The following SASH1 variants were observed in gnomAD, a reference collection of about 807,000 sequenced individuals.
The protein encoded by SASH1 is SAM and SH3 domain containing 1.
In SASH1, 44 loss-of-function variants were observed where a neutral mutation model predicts 125.2. The observed-to-expected ratio is 0.35, with a 90% confidence interval of 0.28 to 0.45. The LOEUF (loss-of-function observed/expected upper bound fraction) is 0.45. SASH1 is among the 20% of genes least tolerant of loss of function. The pLI is 1.00. For missense variants in SASH1, 1,426 were observed against 1,614.5 expected (o/e 0.88, Z 2.00); for synonymous variants, 639 against 649.1 (o/e 0.98, Z 0.24).
In SASH1 at chr6:148,273,284, TTTTC is replaced by T. The variant is rs1294637067; in HGVS notation, n.74+919_74+922del. Among the ~76,000 whole-genome samples, 128 of 143,360 alleles carry T rather than the reference TTTTC, an allele frequency of 8.9e-4. 1 individual carries two copies. The highest frequency in any genetic ancestry group is 3.1e-3 in the African/African-American group (121 of 39,200). The allele number at this position is 143,360 out of a possible 152,430, so 94.0% of individuals were successfully genotyped here. A position where few individuals can be genotyped will look rare whatever the true frequency, so the allele number is the denominator to read the frequency against. On this transcript the variant is annotated intron_variant and non_coding_transcript_variant, in intron 1 of 3. Transcript: ENST00000367469. The stretch of plus-strand genomic sequence containing the variant: ...CTTCTTTTCTTCTTCTTTTTTAAAT[TTTTC>T]TTTCTTTCTTTTTTTTTTTTTTTGA...
At chr6:148,284,320 T>A (rs1263739047) in intron 1 of SASH1, among the ~76,000 whole-genome samples, 3 of 151,996 alleles carry the variant, frequency 2.0e-5, no homozygotes, top group Non-Finnish European at 4.4e-5. Context: ...ACGCCTATAG[T>A]CCCAGCTACT....
At chr6:148,300,038 G>C (rs1779897707) in intron 1 of SASH1, among the ~76,000 whole-genome samples, 1 of 152,140 alleles carries the variant, frequency 6.6e-6, no homozygotes, top group Non-Finnish European at 1.5e-5. Context: ...CTACACTTGA[G>C]AGGCAGTAAA....
chr6:148,290,115 A>G (rs1582921652), intron 1 of SASH1, among the ~76,000 whole-genome samples: 5 of 149,378 alleles, frequency 3.3e-5, no homozygotes, highest in African/African-American at 9.8e-5. Context: ...TGATCCGCCC[A>G]CCTCGGCCTC....
chr6:148,439,249 C>T (rs1776443188), intron 2 of SASH1, among the ~76,000 whole-genome samples: 2 of 152,286 alleles, frequency 1.3e-5, no homozygotes, highest in Non-Finnish European at 1.5e-5. Context: ...TTCTGCCTCT[C>T]ACAATTTAAT....
At chr6:148,236,825 C>T in the SASH1 span, among the ~76,000 whole-genome samples, 9 of 152,308 alleles carry the variant, frequency 5.9e-5, 1 homozygote, top group African/African-American at 1.9e-4. Flanking sequence ...AATGCAATCC[C>T]TGATGCCACA....
chr6:148,540,538 A>G lies in SASH1; in HGVS notation c.2191A>G (p.Ser731Gly). 6.2e-7 allele frequency: 1 copy of G among 1,613,880 alleles called. No individual in the cohort carries two copies. The highest frequency in any genetic ancestry group is 8.5e-7 in the Non-Finnish European group (1 of 1,179,856). The change falls in exon 17 of 20, where the codon AGT (serine) becomes GGT (glycine). Residue 731 changes from serine to glycine, a missense_variant. Physicochemically the swap from Ser to Gly is moderately conservative, Grantham distance 56 (BLOSUM62 0). This residue lies in a region of SASH1 where 634 missense variants were observed against 694.4 expected (regional missense o/e 0.91). Coordinates refer to ENST00000367467, the MANE Select transcript of SASH1 (RefSeq NM_015278.5). Reference sequence around the variant, plus strand: ...CCGAGACTCAGGATGCTACGAAAGCAGTGAGAACCTGGAAAACGGTAATGT... The same window carrying G: ...CCGAGACTCAGGATGCTACGAAAGCGGTGAGAACCTGGAAAACGGTAATGT... ...SPRDSGCYES[S>G]ENLENGKTRK...
chr6:148,230,214 C>T, the SASH1 span, among the ~76,000 whole-genome samples: 14 of 152,200 alleles, frequency 9.2e-5, no homozygotes, highest in Non-Finnish European at 1.3e-4. Context: ...CTTTGAGGCT[C>T]ATCCATTTTC....
chr6:148,270,343 G>A (rs1048891063), upstream of SASH1, among the ~76,000 whole-genome samples: 5 of 151,152 alleles, frequency 3.3e-5, no homozygotes, highest in Non-Finnish European at 7.4e-5. Flanking sequence ...CTGCTCGCTG[G>A]CAATATATGC....
At chr6:148,526,213 G>A (rs1243870385) in intron 11 of SASH1, among the ~76,000 whole-genome samples, 7 of 151,904 alleles carry the variant, frequency 4.6e-5, no homozygotes, top group African/African-American at 9.7e-5. Context: ...ACAGGTGCAC[G>A]CCACCATGCC....
chr6:148,320,712 G>A lies in SASH1; in HGVS notation n.74+48335G>A, dbSNP rs141663254. Among the ~76,000 whole-genome samples the A allele has an allele frequency of 7.0e-4, 106 of 152,276 alleles. 1 individual carries two copies. Among genetic ancestry groups the A allele is most frequent in the African/African-American group, 2.4e-3 (98 of 41,568 alleles). ...CCACTTGTATTGGTCTGGAACTCCT[G>A]GGCTCAAGAGATTCTCCTCCTCCAG... is the stretch of plus-strand genomic sequence containing the variant. On this transcript the variant is annotated intron_variant and non_coding_transcript_variant, in intron 1 of 3. Transcript: ENST00000367469.
At chr6:148,501,411 G>T (rs1459147244) in intron 8 of SASH1, among the ~76,000 whole-genome samples, 1 of 152,116 alleles carries the variant, frequency 6.6e-6, no homozygotes, top group African/African-American at 2.4e-5. Flanking sequence ...GCCCTACTTG[G>T]CAGTCCTGTT....
chr6:148,429,757 A>AAAAC (rs146456791), intron 2 of SASH1, among the ~76,000 whole-genome samples: 9 of 151,626 alleles, frequency 5.9e-5, no homozygotes, highest in Non-Finnish European at 1.3e-4. Flanking sequence ...AAAAAAAACA[A>AAAAC]AAACAAACAA....
chr6:148,446,165 G>A (rs533584239), intron 4 of SASH1, among the ~76,000 whole-genome samples: 2 of 131,424 alleles, frequency 1.5e-5, no homozygotes, highest in East Asian at 4.6e-4. Context: ...CTGGAGTGCA[G>A]TGGCGCGATC....
chr6:148,389,735 C>T (rs1416860663), intron 1 of SASH1, among the ~76,000 whole-genome samples: 1 of 152,132 alleles, frequency 6.6e-6, no homozygotes, highest in Non-Finnish European at 1.5e-5. Flanking sequence ...GAGCCTCTTC[C>T]TCACACAGTG....
chr6:148,268,007 G>A (rs1778984533), upstream of SASH1, among the ~76,000 whole-genome samples: 2 of 152,198 alleles, frequency 1.3e-5, no homozygotes, highest in South Asian at 4.1e-4. Flanking sequence ...GCCAATGTGT[G>A]TTAACCCACT....
intron 1 of SASH1, among the ~76,000 whole-genome samples, chr6:148,294,304 CA>C (rs1263305678): frequency 6.6e-6 from 1 of 152,196 alleles, no homozygotes; most frequent in African/African-American, 2.4e-5. Context: ...AAATGGAGAC[CA>C]GGGGCAGAAT....
intron 4 of SASH1, among the ~76,000 whole-genome samples, chr6:148,448,136 G>GTA (rs1188120355): frequency 1.3e-5 from 2 of 151,246 alleles, no homozygotes; most frequent in African/African-American, 2.5e-5. Flanking sequence ...GTGTGTGTGT[G>GTA]TGTATGTGTG....
intron 7 of SASH1, among the ~76,000 whole-genome samples, chr6:148,485,509 G>A (rs1286012403): frequency 2.0e-5 from 3 of 152,176 alleles, no homozygotes; most frequent in Admixed American, 6.5e-5. Flanking sequence ...TGTGCTGAGA[G>A]TTTTGCTGCA....
chr6:148,302,341 A>G (rs2495950), intron 1 of SASH1, among the ~76,000 whole-genome samples: 1 of 104,422 alleles, frequency 9.6e-6, no homozygotes, highest in Non-Finnish European at 1.9e-5. Flanking sequence ...AAAAAAAAAA[A>G]CTAGTAATAT....
Sources: gnomAD v4.1 joint callset for allele counts (sites outside exome capture counted in the v4.1 genomes callset) on GRCh38, gnomAD v4.1.1 for gene constraint, gnomAD v4.1.1 regional missense constraint, MANE v1.5 for transcripts, NCBI Gene and HGNC (gene_info 2026-07-23, HGNC 2026-07-21) for gene names.